Variants in THRB observed in about 807,000 individuals in gnomAD.
THRB encodes thyroid hormone receptor beta.
Under a neutral mutation model 47.8 loss-of-function variants are expected in THRB, and 12 were observed. The ratio of observed to expected loss-of-function variants is 0.25; its 90% CI spans 0.16 to 0.41. THRB has a LOEUF of 0.41. Ranked by LOEUF, THRB falls within the 10% of genes least tolerant of loss-of-function variation. The probability of loss-of-function intolerance (pLI) is 1.00; values close to 1 mark genes in which losing one functional copy is unlikely to be tolerated. For synonymous variants in THRB, 218 were observed against 212.2 expected (o/e 1.03, Z -0.24); for missense variants, 348 against 589.2 (o/e 0.59, Z 4.24).
At chr3:24,475,362 T>C (rs77395689) in intron 1 of THRB, among the ~76,000 whole-genome samples, 3,505 of 152,258 alleles carry the variant, frequency 0.023, 147 homozygotes, top group African/African-American at 0.078. Flanking sequence ...TGTAAGAAGT[T>C]GTTACAAGTG....
intron 1 of THRB, among the ~76,000 whole-genome samples, chr3:24,387,633 A>C (rs2066230524): frequency 6.6e-6 from 1 of 152,178 alleles, no homozygotes; most frequent in Non-Finnish European, 1.5e-5. Context: ...CCTGGCATGC[A>C]GTAGGCTATC....
intron 3 of THRB, among the ~76,000 whole-genome samples, chr3:24,249,220 A>T (rs569107155): frequency 6.6e-6 from 1 of 150,862 alleles, no homozygotes; most frequent in South Asian, 2.1e-4. Context: ...AAAAATTCTT[A>T]TTTTTTTTTG....
chr3:24,248,316 A>G (rs944636265), intron 3 of THRB, among the ~76,000 whole-genome samples: 2 of 152,130 alleles, frequency 1.3e-5, no homozygotes, highest in African/African-American at 4.8e-5. Flanking sequence ...AGGGACTACA[A>G]ATGAATACTC....
At position 24,131,523 on chromosome 3, in the gene THRB, T is replaced by C. The variant is rs1190130176; in HGVS notation, c.885+1793A>G. ...GTGGGTACTAGCATATCAGGTACCC[T>C]GGTGCTATAGACTGAATGTCTGTAT... On this transcript the variant is annotated intron_variant, in intron 9 of 10. Transcript: ENST00000646209. Among the ~76,000 whole-genome samples the C allele has an allele frequency of 2.0e-5, 3 of 152,362 alleles. No homozygotes were observed. In the East Asian group the frequency reaches 5.8e-4, roughly 29 times the overall value.
chr3:24,262,393 C>T (rs770443838), intron 3 of THRB, among the ~76,000 whole-genome samples: 1 of 152,202 alleles, frequency 6.6e-6, no homozygotes, highest in African/African-American at 2.4e-5. Context: ...CTCCACAGGG[C>T]AAATTATATG....
intron 1 of THRB, among the ~76,000 whole-genome samples, chr3:24,380,742 A>T (rs777819293): frequency 3.3e-5 from 5 of 152,228 alleles, no homozygotes; most frequent in Non-Finnish European, 7.3e-5. Flanking sequence ...AACAGAAGGT[A>T]GCAATTACTT....
intron 3 of THRB, among the ~76,000 whole-genome samples, chr3:24,296,564 G>C (rs2056464483): frequency 6.6e-6 from 1 of 152,200 alleles, no homozygotes. Context: ...TAACAGAAGA[G>C]CCTGACCAGA....
intron 8 of THRB, among the ~76,000 whole-genome samples, chr3:24,137,163 T>C (rs1007439614): frequency 1.3e-5 from 2 of 152,126 alleles, no homozygotes; most frequent in African/African-American, 4.8e-5. Flanking sequence ...CTTAAGGGGG[T>C]AGAGAATAAG....
chr3:24,344,943 T>C (rs2149487673), intron 1 of THRB, among the ~76,000 whole-genome samples: 1 of 152,084 alleles, frequency 6.6e-6, no homozygotes, highest in African/African-American at 2.4e-5. Context: ...AATGTAAACA[T>C]ATCCACAAAA....
intron 3 of THRB, among the ~76,000 whole-genome samples, chr3:24,254,792 GCACGTA>G (rs1188264325): frequency 6.6e-6 from 1 of 152,158 alleles, no homozygotes; most frequent in African/African-American, 2.4e-5. Context: ...AACATAACCA[GCACGTA>G]CACCATTTTT....
intron 1 of THRB, among the ~76,000 whole-genome samples, chr3:24,433,234 G>A (rs2070627387): frequency 6.6e-6 from 1 of 152,124 alleles, no homozygotes; most frequent in African/African-American, 2.4e-5. Context: ...CCTGGAACCT[G>A]TGAATATGTT....
intron 1 of THRB, among the ~76,000 whole-genome samples, chr3:24,457,005 T>A (rs1252110678): frequency 6.6e-6 from 1 of 152,106 alleles, no homozygotes; most frequent in Non-Finnish European, 1.5e-5. Context: ...CTCCTAATTG[T>A]GTTCCTAATT....
rs2031620628 is a variant in THRB at position 24,121,184 on chromosome 3, T to C, written c.*1700A>G. The C allele has an allele frequency of 6.6e-6, 1 of 152,352 alleles. No homozygotes were observed. The highest frequency in any genetic ancestry group is 1.5e-5 in the Non-Finnish European group (1 of 68,030). 9.4% of individuals were successfully genotyped at this position (152,352 alleles called of 1,614,324 possible). The stretch of plus-strand genomic sequence containing the variant: ...ACAATATTAAGGGCAGGAAGGGTTT[T>C]AGAGATCATGACTTATTCACCAGGT... On this transcript the variant is annotated 3_prime_UTR_variant, in exon 11 of 11. Coordinates refer to ENST00000646209, the MANE Select transcript of THRB (RefSeq NM_001354712.2).
intron 1 of THRB, among the ~76,000 whole-genome samples, chr3:24,467,622 T>C (rs1001922451): frequency 2.0e-5 from 3 of 152,216 alleles, no homozygotes; most frequent in Non-Finnish European, 4.4e-5. Flanking sequence ...ATCACAGCTC[T>C]TAGGTGACTA....
intron 1 of THRB, among the ~76,000 whole-genome samples, chr3:24,367,665 A>G (rs2064575070): frequency 6.6e-6 from 1 of 152,178 alleles, no homozygotes; most frequent in Non-Finnish European, 1.5e-5. Context: ...TTGTTGCTAC[A>G]TGCACTGTTG....
At chr3:24,283,813 G>A (rs1421176931) in intron 3 of THRB, among the ~76,000 whole-genome samples, 3 of 152,074 alleles carry the variant, frequency 2.0e-5, no homozygotes, top group Non-Finnish European at 4.4e-5. Flanking sequence ...CAAATCATGA[G>A]TGAACTCCCA....
chr3:24,144,042 C>T, intron 7 of THRB: 1 of 345,102 alleles, frequency 2.9e-6, no homozygotes, highest in Non-Finnish European at 5.5e-6. Flanking sequence ...CCCACAAGAT[C>T]ACAGAGAAAT....
intron 4 of THRB, 89 bp downstream of exon 4, chr3:24,228,849 T>G: frequency 7.9e-7 from 1 of 1,269,466 alleles, no homozygotes; most frequent in Non-Finnish European, 1.1e-6. Context: ...TTGCTAAAAC[T>G]CGCAAGTTAA....
rs75286954 is a variant in THRB at position 24,133,134 on chromosome 3, G to A, written c.885+182C>T. On this transcript the variant is annotated intron_variant, in intron 9 of 10. Transcript: ENST00000646209. ...TTACACGGACAAGCTAATGAATGAT[G>A]ACTAAATACAGAAAGTGGGAAATCC... Among the ~76,000 whole-genome samples the A allele has an allele frequency of 3.1e-3, 466 of 152,312 alleles. 2 individuals are homozygous for A. Among genetic ancestry groups the A allele is most frequent in the African/African-American group, 0.01 (436 of 41,568 alleles).
Sources: gnomAD v4.1 joint callset for allele counts (sites outside exome capture counted in the v4.1 genomes callset) on GRCh38, gnomAD v4.1.1 for gene constraint, MANE v1.5 for transcripts, NCBI Gene and HGNC (gene_info 2026-07-23, HGNC 2026-07-21) for gene names.